Variants in NOL7 observed in about 807,000 individuals in gnomAD.
NOL7 encodes U3 small nucleolar RNA-associated protein NOL7.
Under a neutral mutation model 38.4 loss-of-function variants are expected in NOL7, and 36 were observed. The ratio of observed to expected loss-of-function variants is 0.94; its 90% CI spans 0.72 to 1.24. The LOEUF (loss-of-function observed/expected upper bound fraction) is 1.24. Among genes scored for constraint, NOL7 ranks in the 50% most tolerant of loss-of-function variants. The pLI, the probability that NOL7 is intolerant of heterozygous loss-of-function variation, is 0.00. For missense variants in NOL7, 350 were observed against 315.1 expected (o/e 1.11, Z -0.84); for synonymous variants, 142 against 126.5 (o/e 1.12, Z -0.82).
chr6:13,628,534 G>C (rs1562295708), intron 8 of NOL7, among the ~76,000 whole-genome samples: 1 of 152,186 alleles, frequency 6.6e-6, no homozygotes, highest in East Asian at 1.9e-4. Context: ...ATATGGATTA[G>C]ACTTAATTTT....
rs1212707753 is a variant in NOL7 at position 13,629,919 on chromosome 6, C to G, written n.574-2474C>G. Among the ~76,000 whole-genome samples the G allele has an allele frequency of 3.7e-3, 477 of 130,040 alleles. 3 individuals are homozygous for G. The highest frequency in any genetic ancestry group is 9.0e-3 in the African/African-American group (302 of 33,618). 85.3% of individuals were successfully genotyped at this position (130,040 alleles called of 152,430 possible). A position where few individuals can be genotyped will look rare whatever the true frequency, so the allele number is the denominator to read the frequency against. On this transcript the variant is annotated intron_variant and non_coding_transcript_variant, in intron 8 of 8. Coordinates refer to the NOL7 transcript ENST00000474485. ...TGTCTCTCTCTCTCTCTCTCTCTCT[C>G]TCGTGTGTGTGTGTGTGTGTGTGTA...
At chr6:13,622,612 T>C (rs922946585), downstream of NOL7, 4 of 1,088,472 alleles carry the variant, frequency 3.7e-6, no homozygotes, top group Admixed American at 6.1e-5. Context: ...CTCTGAAATA[T>C]CAGCAAATGA....
chr6:13,621,099 G>T lies in NOL7; in HGVS notation c.*272G>T. ...CTCTTCTACTCTCCCCGGGTTAGAG[G>T]GGTGGCAAAAATGGCACGGACTAAA... On this transcript the variant is annotated 3_prime_UTR_variant, in exon 8 of 8. Coordinates refer to ENST00000451315, the MANE Select transcript of NOL7 (RefSeq NM_016167.5). 1 of 208,872 alleles carries T rather than the reference G, an allele frequency of 4.8e-6. No homozygotes were observed. The highest frequency in any genetic ancestry group is 1.4e-4 in the South Asian group (1 of 7,088). The allele number at this position is 208,872 out of a possible 1,614,324, so 12.9% of individuals were successfully genotyped here.
At chr6:13,629,283 G>C (rs768721522) in intron 8 of NOL7, among the ~76,000 whole-genome samples, 2 of 152,104 alleles carry the variant, frequency 1.3e-5, no homozygotes, top group South Asian at 4.1e-4. Flanking sequence ...GCCTCGTGTA[G>C]TTATTTAAAA....
At chr6:13,626,162 C>G (rs1197568455), downstream of NOL7, among the ~76,000 whole-genome samples, 2 of 152,102 alleles carry the variant, frequency 1.3e-5, no homozygotes, top group African/African-American at 4.8e-5. Context: ...TTCCTTTTTT[C>G]AACAGATTTA....
At chr6:13,616,314 CA>C (rs1248075082) in intron 2 of NOL7, 148 bp from the exon 3 acceptor site, 1 of 535,956 alleles carries the variant, frequency 1.9e-6, no homozygotes, top group African/African-American at 2.0e-5. Context: ...CCGGTCTTCC[CA>C]TAGCTTAGAG....
chr6:13,618,034 A>G (rs1391514769), intron 4 of NOL7, 24 bp from the exon 5 acceptor site: 1 of 1,311,144 alleles, frequency 7.6e-7, no homozygotes, highest in Non-Finnish European at 1.1e-6. Flanking sequence ...AATGCTAATT[A>G]GAAAATGTAA....
At position 13,618,081 on chromosome 6, in the gene NOL7, G is replaced by C; in HGVS notation, c.442G>C (p.Asp148His). 1 of 1,567,034 alleles carries C rather than the reference G, an allele frequency of 6.4e-7. No individual in the cohort carries two copies. Among genetic ancestry groups the C allele is most frequent in the Non-Finnish European group, 8.8e-7 (1 of 1,140,342 alleles). ...AGTTAATTTGCAAAAGAAAAATGAAGACTGTGAAAAAGGAAATGACTCCAA... is the reference window on the plus strand; with the variant it reads ...AGTTAATTTGCAAAAGAAAAATGAACACTGTGAAAAAGGAAATGACTCCAA... ...KEVNLQKKNEDCEKGNDSKKV... is the reference protein window; with the variant it reads ...KEVNLQKKNEHCEKGNDSKKV... The change falls in exon 5 of 8, where the codon GAC becomes CAC. Residue 148 changes from aspartate to histidine, a missense_variant. Transcript: ENST00000451315.
chr6:13,620,505 TC>T lies in NOL7; in HGVS notation c.700+22del. 6.3e-7 allele frequency: 1 copy of T among 1,598,158 alleles called. No individual in the cohort carries two copies. On this transcript the variant is annotated intron_variant, in intron 7 of 7. Coordinates refer to ENST00000451315, the MANE Select transcript of NOL7 (RefSeq NM_016167.5). ...CTTGGGGTAAGATCCAGCTTTATTC[TC>T]CTGTCTCTAATAGCTTTATATGTTG...
At position 13,632,434 on chromosome 6, in the gene NOL7, T is replaced by C. The variant is rs746771901; in HGVS notation, n.615T>C. ...TCTCCTTAGCTGTTCACTCATTGCT[T>C]GCAGCTCTCGTCCAAAGTGGATCAT... is the stretch of plus-strand genomic sequence containing the variant. On this transcript the variant is annotated non_coding_transcript_exon_variant, in exon 9 of 9. Transcript: ENST00000474485. 3 of 1,613,976 alleles carry C rather than the reference T, an allele frequency of 1.9e-6. No individual in the cohort carries two copies. The highest frequency in any genetic ancestry group is 1.7e-6 in the Non-Finnish European group (2 of 1,179,964).
In NOL7 at chr6:13,615,370, C is replaced by A. The variant is rs775772699; in HGVS notation, c.12C>A (p.Leu4=). 6 of 1,509,774 alleles carry A rather than the reference C, an allele frequency of 4.0e-6. No homozygotes were observed. The African/African-American group carries it at 8.3e-5, about 21-fold the overall frequency. The allele number at this position is 1,509,774 out of a possible 1,614,324, so 93.5% of individuals were successfully genotyped here. A position where few individuals can be genotyped will look rare whatever the true frequency, so the allele number is the denominator to read the frequency against. Residue 4 remains leucine (L), a synonymous_variant, in exon 1 of 8, where the codon CTC becomes CTA. Transcript: ENST00000451315. MVQ[L]RPRASRAPAS... is the part of the protein sequence containing the mutation. ...GCGCTGCGTGGGCCATGGTGCAGCT[C>A]CGACCGCGAGCGTCTCGCGCCCCGG...
chr6:13,618,113 T>A lies in NOL7; in HGVS notation c.474T>A (p.Val158=). The change falls in exon 5 of 8, where the codon GTT becomes GTA. Residue 158 remains valine (V), a synonymous_variant. Transcript: ENST00000451315. ...AAAAAGGAAATGACTCCAAGAAAGT[T>A]AAAGTACAAAAAGTACAGTCTGTCA... The part of the protein sequence containing the change: ...DCEKGNDSKK[V]KVQKVQSVSQ... 1 of 1,592,588 alleles carries A rather than the reference T, an allele frequency of 6.3e-7. No individual in the cohort carries two copies. The highest frequency in any genetic ancestry group is 1.1e-5 in the South Asian group (1 of 90,090).
At chr6:13,615,846 G>T (rs1050723834) in intron 2 of NOL7, 74 bp downstream of exon 2, 65 of 1,447,658 alleles carry the variant, frequency 4.5e-5, no homozygotes, top group Non-Finnish European at 6.1e-5. Context: ...GATGTAATTT[G>T]GGTTGGCAGG....
In NOL7 at chr6:13,621,332, C is replaced by T. The variant is rs1764438191; in HGVS notation, c.*505C>T. 6.6e-6 allele frequency: 1 copy of T among 152,624 alleles called. No individual in the cohort carries two copies. Among genetic ancestry groups the T allele is most frequent in the Non-Finnish European group, 1.5e-5 (1 of 68,184 alleles). 9.5% of individuals were successfully genotyped at this position (152,624 alleles called of 1,614,324 possible). A position where few individuals can be genotyped will look rare whatever the true frequency, so the allele number is the denominator to read the frequency against. Reference sequence around the variant, plus strand: ...TCCTGTTGCCTTTCTGTGTCAGCCACAATATCAGGTCTAACCCTAATCCAG... The same window carrying T: ...TCCTGTTGCCTTTCTGTGTCAGCCATAATATCAGGTCTAACCCTAATCCAG... On this transcript the variant is annotated 3_prime_UTR_variant, in exon 8 of 8. Coordinates refer to ENST00000451315, the MANE Select transcript of NOL7 (RefSeq NM_016167.5).
chr6:13,619,245 A>T lies in NOL7; in HGVS notation c.501-963A>T, dbSNP rs570102984. 8.5e-5 allele frequency among the ~76,000 whole-genome samples: 13 copies of T among 152,362 alleles called. No individual in the cohort carries two copies. In the South Asian group the frequency reaches 2.7e-3, roughly 32 times the overall value. On this transcript the variant is annotated intron_variant, in intron 5 of 7. Transcript: ENST00000451315. ...AATTCTTCAAAAGGAGTCATTTTTC[A>T]CAAAATTCAACCTTTCCCTGACAAT...
chr6:13,626,976 C>T (rs1311541145), intron 8 of NOL7, among the ~76,000 whole-genome samples: 5 of 152,128 alleles, frequency 3.3e-5, no homozygotes, highest in African/African-American at 1.2e-4. Flanking sequence ...AGTCTGAGAC[C>T]ACAAGGCATG....
chr6:13,632,112 T>G (rs1436645823), intron 8 of NOL7, among the ~76,000 whole-genome samples: 1 of 133,348 alleles, frequency 7.5e-6, no homozygotes, highest in Non-Finnish European at 1.6e-5. Context: ...GCACTGGGAT[T>G]TAATCCTTTT....
chr6:13,620,330 G>A lies in NOL7; in HGVS notation c.622+1G>A. The A allele has an allele frequency of 1.2e-6, 2 of 1,613,906 alleles. No individual in the cohort carries two copies. The highest frequency in any genetic ancestry group is 2.2e-5 in the South Asian group (2 of 91,064). ...GGGCCAGGAACCAACAGGACTACTG[G>A]TAATTTTTTTATGGACTATTTTTCT... On this transcript the variant is annotated splice_donor_variant, in intron 6 of 7. Transcript: ENST00000451315. LOFTEE classifies it high-confidence loss of function.
At chr6:13,619,351 C>A (rs1475807231) in intron 5 of NOL7, among the ~76,000 whole-genome samples, 5 of 152,262 alleles carry the variant, frequency 3.3e-5, no homozygotes, top group South Asian at 4.1e-4. Context: ...TTGGCCGATA[C>A]TGTGGACGAT....
Sources: allele counts gnomAD v4.1 joint callset (sites outside exome capture counted in the v4.1 genomes callset), GRCh38; gene constraint gnomAD v4.1.1; transcripts MANE v1.5; gene names NCBI Gene and HGNC (gene_info 2026-07-23, HGNC 2026-07-21).